Variants in LMX1B observed in about 807,000 individuals in gnomAD.
The protein encoded by LMX1B is LIM homeobox transcription factor 1 beta.
LMX1B carries 12 observed loss-of-function variants against 51.4 expected under a neutral mutation model. That is an observed-to-expected ratio of 0.23 (90% CI 0.15 to 0.38). The LOEUF is 0.38. LMX1B is among the 10% of genes least tolerant of loss of function. LMX1B has a pLI of 1.00. For missense variants in LMX1B, 445 were observed against 571.1 expected, an observed-to-expected ratio of 0.78 and a Z score of 2.25; for synonymous variants, 237 against 235.4, an observed-to-expected ratio of 1.01 and a Z score of -0.06.
chr9:126,667,501 G>GCCAC (rs1331380934), intron 2 of LMX1B, among the ~76,000 whole-genome samples: 4 of 152,234 alleles, frequency 2.6e-5, no homozygotes, highest in Non-Finnish European at 5.9e-5. Flanking sequence ...AACACACTGG[G>GCCAC]CGGTGCTGCC....
At chr9:126,663,288 C>CAT (rs762247371) in intron 2 of LMX1B, among the ~76,000 whole-genome samples, 4 of 151,892 alleles carry the variant, frequency 2.6e-5, no homozygotes, top group Non-Finnish European at 5.9e-5. Flanking sequence ...ATTAGCCAGG[C>CAT]ATGATGCATG....
intron 2 of LMX1B, among the ~76,000 whole-genome samples, chr9:126,687,368 A>T (rs1027792102): frequency 7.9e-5 from 12 of 152,264 alleles, no homozygotes; most frequent in African/African-American, 2.9e-4. Flanking sequence ...AGCTAGGATT[A>T]CAGGTGTGTG....
intron 2 of LMX1B, among the ~76,000 whole-genome samples, chr9:126,681,365 A>G (rs1286657989): frequency 6.6e-6 from 1 of 152,002 alleles, no homozygotes; most frequent in East Asian, 1.9e-4. Context: ...CTGCCTCCCC[A>G]CAGACGCCAT....
chr9:126,687,939 C>A (rs1242641515), intron 2 of LMX1B, among the ~76,000 whole-genome samples: 1 of 152,192 alleles, frequency 6.6e-6, no homozygotes, highest in Non-Finnish European at 1.5e-5. Flanking sequence ...CCCTCCCATA[C>A]ACGCCATTAG....
intron 2 of LMX1B, among the ~76,000 whole-genome samples, chr9:126,644,943 TG>T (rs1217636991): frequency 6.6e-6 from 1 of 152,188 alleles, no homozygotes; most frequent in Non-Finnish European, 1.5e-5. Context: ...ACGGAGGGCC[TG>T]GGGGCTTCTC....
chr9:126,681,663 G>T (rs1836674993), intron 2 of LMX1B, among the ~76,000 whole-genome samples: 1 of 152,164 alleles, frequency 6.6e-6, no homozygotes, highest in South Asian at 2.1e-4. Context: ...CACTTTGGGA[G>T]GCTGAGGTGG....
chr9:126,626,819 G>C lies in LMX1B; in HGVS notation c.326+11250G>C, dbSNP rs564363426. ...GGCGGTGATTTGTGTGCGGGGGTCT[G>C]TGACCCTGCAAGCATCAAACGGCCC... On this transcript the variant is annotated intron_variant, in intron 2 of 7. Coordinates refer to ENST00000373474, the MANE Select transcript of LMX1B (RefSeq NM_001174147.2). The surrounding 1 kb of genome is among the most constrained non-coding windows in gnomAD (Gnocchi z 4.3). Among the ~76,000 whole-genome samples, 1 of 152,268 alleles carries C rather than the reference G, an allele frequency of 6.6e-6. No individual in the cohort carries two copies. Among genetic ancestry groups the C allele is most frequent in the South Asian group, 2.1e-4 (1 of 4,820 alleles).
chr9:126,649,788 G>A (rs2118898830), intron 2 of LMX1B, among the ~76,000 whole-genome samples: 1 of 152,192 alleles, frequency 6.6e-6, no homozygotes, highest in East Asian at 1.9e-4. Context: ...CACCATGCCT[G>A]GCTAATTTTT....
intron 2 of LMX1B, among the ~76,000 whole-genome samples, chr9:126,682,894 G>GAAAA (rs577172677): frequency 0.22 from 18,572 of 85,438 alleles, 2,180 homozygotes; most frequent in Non-Finnish European, 0.28. Flanking sequence ...CACTCTGTCT[G>GAAAA]AAAAAAAAAA....
chr9:126,619,455 G>A (rs1564145200), intron 2 of LMX1B, among the ~76,000 whole-genome samples: 3 of 152,218 alleles, frequency 2.0e-5, no homozygotes, highest in African/African-American at 4.8e-5. Flanking sequence ...CCCAACCAGC[G>A]AGCCCCCCTG....
At chr9:126,684,278 C>T (rs1836732492) in intron 2 of LMX1B, among the ~76,000 whole-genome samples, 1 of 152,166 alleles carries the variant, frequency 6.6e-6, no homozygotes, top group Admixed American at 6.5e-5. Flanking sequence ...GACAGACAGA[C>T]AGACAGGGAG....
intron 2 of LMX1B, among the ~76,000 whole-genome samples, chr9:126,686,194 A>G (rs889015968): frequency 6.6e-6 from 1 of 150,750 alleles, no homozygotes; most frequent in African/African-American, 2.4e-5. Context: ...GCAGGAGAAC[A>G]GCGTGAACCC....
intron 3 of LMX1B, among the ~76,000 whole-genome samples, chr9:126,692,388 G>T (rs929059073): frequency 5.9e-5 from 9 of 152,356 alleles, no homozygotes; most frequent in Admixed American, 1.3e-4. Flanking sequence ...ATCCATCTGG[G>T]GCTGCTGGCA....
At position 126,626,927 on chromosome 9, in the gene LMX1B, G is replaced by T. The variant is rs540276864; in HGVS notation, c.326+11358G>T. Among the ~76,000 whole-genome samples, 3 of 152,212 alleles carry T rather than the reference G, an allele frequency of 2.0e-5. No individual in the cohort carries two copies. Among genetic ancestry groups the T allele is most frequent in the Admixed American group, 6.5e-5 (1 of 15,294 alleles). Reference sequence around the variant, plus strand: ...AGATGGTTCCTATCAGCCCGGCCGGGCCCGCAGCGTCCGCCGGTCCGTCCG... The same window carrying T: ...AGATGGTTCCTATCAGCCCGGCCGGTCCCGCAGCGTCCGCCGGTCCGTCCG... On this transcript the variant is annotated intron_variant, in intron 2 of 7. Coordinates refer to ENST00000373474, the MANE Select transcript of LMX1B (RefSeq NM_001174147.2). The surrounding 1 kb of genome is among the most constrained non-coding windows in gnomAD (Gnocchi z 4.3).
At chr9:126,648,573 G>A (rs68034064) in intron 2 of LMX1B, among the ~76,000 whole-genome samples, 23,660 of 152,214 alleles carry the variant, frequency 0.16, 2,432 homozygotes, top group East Asian at 0.42. Flanking sequence ...ATCCATCTCA[G>A]GGGGCATGAG....
intron 3 of LMX1B, among the ~76,000 whole-genome samples, chr9:126,692,331 G>A (rs1406926057): frequency 6.6e-6 from 1 of 152,250 alleles, no homozygotes; most frequent in Non-Finnish European, 1.5e-5. Context: ...AAGGAGACCA[G>A]CCTGGGGGGC....
intron 2 of LMX1B, among the ~76,000 whole-genome samples, chr9:126,638,211 C>G (rs981626256): frequency 1.3e-5 from 2 of 152,152 alleles, no homozygotes; most frequent in Admixed American, 6.5e-5. Context: ...TGGGTCCCGA[C>G]AGGAATGCTC....
rs918141164 is a variant in LMX1B, at chr9:126,673,840, A to AGT, written c.327-16986_327-16985dup. On this transcript the variant is annotated intron_variant, in intron 2 of 7. Coordinates refer to ENST00000373474, the MANE Select transcript of LMX1B (RefSeq NM_001174147.2). This position sits in a 1 kb window ranked among gnomAD's most constrained non-coding sequence, Gnocchi z 4.4. Reference sequence around the variant, plus strand: ...GGAGATTGGATGGAAATGGCCTGCCAGTGTGTGTGTGAGTGTGCGCCTGTG... The same window carrying AGT: ...GGAGATTGGATGGAAATGGCCTGCCAGTGTGTGTGTGTGAGTGTGCGCCTGTG... Among the ~76,000 whole-genome samples, 23 of 152,196 alleles carry AGT rather than the reference A, an allele frequency of 1.5e-4. No individual in the cohort carries two copies. The highest frequency in any genetic ancestry group is 5.5e-4 in the African/African-American group (23 of 41,528).
intron 6 of LMX1B, among the ~76,000 whole-genome samples, chr9:126,694,054 C>T (rs760343995): frequency 1.9e-4 from 29 of 152,166 alleles, no homozygotes; most frequent in Non-Finnish European, 3.7e-4. Context: ...GCTTTAAAAC[C>T]ACTGAGACAG....
Sources: gnomAD v4.1 joint callset for allele counts (sites outside exome capture counted in the v4.1 genomes callset) on GRCh38, gnomAD v4.1.1 for gene constraint, Gnocchi (gnomAD v3.1) non-coding constraint, MANE v1.5 for transcripts, NCBI Gene and HGNC (gene_info 2026-07-23, HGNC 2026-07-21) for gene names.